Variants in MACF1 observed in about 807,000 individuals in gnomAD.
The protein encoded by MACF1 is microtubule-actin cross-linking factor 1.
MACF1 carries 193 observed loss-of-function variants against 854.8 expected under a neutral mutation model. That is an observed-to-expected ratio of 0.23 (90% CI 0.20 to 0.25). The LOEUF (loss-of-function observed/expected upper bound fraction) is 0.25, where lower values mean the gene tolerates loss of function less well. Ranked by LOEUF, MACF1 falls within the 10% of genes least tolerant of loss-of-function variation. The pLI, the probability that MACF1 is intolerant of heterozygous loss-of-function variation, is 1.00. For missense variants in MACF1, 7,722 were observed against 8,929.1 expected (o/e 0.86, Z 5.45); for synonymous variants, 3,185 against 3,226.7 (o/e 0.99, Z 0.44).
Position 39,285,398 on chromosome 1 carries a change from T to TCTC in MACF1, c.1353+10_1353+11insCCT, listed in dbSNP as rs1410791877. On this transcript the variant is annotated intron_variant, in intron 13 of 100. Coordinates refer to ENST00000564288, the MANE Select transcript of MACF1 (RefSeq NM_001394062.1). The stretch of plus-strand genomic sequence containing the variant: ...AAGAATACACTGCAGGCTGTAAGTC[T>TCTC]CTGACTGTTTTGTCCAACATCTGTG... 6.2e-7 allele frequency: 1 copy of TCTC among 1,613,304 alleles called. No homozygotes were observed. The highest frequency in any genetic ancestry group is 8.5e-7 in the Non-Finnish European group (1 of 1,179,734).
rs535531471 is a variant in MACF1 at position 39,120,664 on chromosome 1, C to A, written c.220+36226C>A. Among the ~76,000 whole-genome samples the A allele has an allele frequency of 2.6e-5, 4 of 152,218 alleles. No homozygotes were observed. The East Asian group carries it at 7.7e-4, about 29-fold the overall frequency. On this transcript the variant is annotated intron_variant, in intron 2 of 93. Coordinates refer to the MACF1 transcript ENST00000361689. ...GGTGTGAGCCACCACACCCGGCCAA[C>A]AATGCAAACTTCTTTTAAAAATTTG...
intron 74 of MACF1, among the ~76,000 whole-genome samples, chr1:39,441,696 T>A (rs2148665488): frequency 6.6e-6 from 1 of 152,350 alleles, no homozygotes. Context: ...TTGAAAAATC[T>A]TCACTTTTAT....
At chr1:39,411,191 C>G (rs1642983138) in intron 58 of MACF1, 1 of 1,613,614 alleles carries the variant, frequency 6.2e-7, no homozygotes, top group Non-Finnish European at 8.5e-7. Context: ...CTCATAACCC[C>G]CAGCCTGAGA....
intron 44 of MACF1, among the ~76,000 whole-genome samples, chr1:39,355,374 T>C (rs1405848857): frequency 1.3e-5 from 2 of 151,934 alleles, no homozygotes; most frequent in African/African-American, 2.4e-5. Context: ...CTAGGTGATA[T>C]ACAGACAAGG....
Position 39,302,917 on chromosome 1 carries a change from T to G in MACF1, c.2635-7T>G, listed in dbSNP as rs771995720. ...ATTAGCAATCACTGGTAAATTTATC[T>G]CTTCAGATTACTATTTGCAAAAATG... On this transcript the variant is annotated splice_region_variant and splice_polypyrimidine_tract_variant and intron_variant, in intron 22 of 100. Coordinates refer to ENST00000564288, the MANE Select transcript of MACF1 (RefSeq NM_001394062.1). The G allele has an allele frequency of 1.4e-5, 23 of 1,610,918 alleles. No individual in the cohort carries two copies. In the South Asian group the frequency reaches 2.4e-4, roughly 17 times the overall value.
At chr1:39,476,153 T>C (rs1258169714) in intron 97 of MACF1, among the ~76,000 whole-genome samples, 2 of 152,102 alleles carry the variant, frequency 1.3e-5, no homozygotes, top group Non-Finnish European at 2.9e-5. Flanking sequence ...TTTTGGAGAG[T>C]GTATGCTAGT....
chr1:39,359,357 T>C, intron 47 of MACF1, 93 bp downstream of exon 47: 2 of 1,415,316 alleles, frequency 1.4e-6, no homozygotes, highest in Admixed American at 2.0e-5. Context: ...CAAATATCTG[T>C]GGTGCCAGGC....
At chr1:39,315,858 C>T (rs1203202155) in intron 27 of MACF1, among the ~76,000 whole-genome samples, 167 bp downstream of exon 27, 2 of 152,130 alleles carry the variant, frequency 1.3e-5, no homozygotes, top group Non-Finnish European at 2.9e-5. Context: ...TAAGTAGGTT[C>T]ATTTGGACTG....
chr1:39,459,439 C>A (rs533193355), intron 91 of MACF1, among the ~76,000 whole-genome samples, 190 bp downstream of exon 91: 1 of 152,114 alleles, frequency 6.6e-6, no homozygotes, highest in African/African-American at 2.4e-5. Context: ...GTAAGAAAAC[C>A]GTTTGTGACA....
intron 52 of MACF1, chr1:39,373,250 G>A (rs1381975028): frequency 2.0e-5 from 3 of 149,620 alleles, no homozygotes; most frequent in East Asian, 3.9e-4. Flanking sequence ...CCGAGATCAC[G>A]CCACTGCACT....
intron 6 of MACF1, among the ~76,000 whole-genome samples, chr1:39,263,771 C>CTTTTTTTTTTTTTTTTTTTTTTTTT (rs11453750): frequency 2.0e-5 from 2 of 100,166 alleles, no homozygotes; most frequent in Non-Finnish European, 3.6e-5. Context: ...TTTCTTTTTT[C>CTTTTTTTTTTTTTTTTTTTTTTTTT]TTTTTTTTTT....
chr1:39,243,066 G>T lies in MACF1; in HGVS notation c.172-6948G>T, dbSNP rs117371547. Among the ~76,000 whole-genome samples, 112 of 152,346 alleles carry T rather than the reference G, an allele frequency of 7.4e-4. 1 individual carries two copies. In the East Asian group the frequency reaches 0.019, roughly 25 times the overall value. Reference sequence around the variant, plus strand: ...GCACCATTTTACATCCTCACCAGCAGTGTATGAGGGTTCTAGATTCTCTGC... The same window carrying T: ...GCACCATTTTACATCCTCACCAGCATTGTATGAGGGTTCTAGATTCTCTGC... On this transcript the variant is annotated intron_variant, in intron 2 of 100. Coordinates refer to ENST00000564288, the MANE Select transcript of MACF1 (RefSeq NM_001394062.1).
At chr1:39,396,319 C>CA (rs1165225801) in intron 58 of MACF1, among the ~76,000 whole-genome samples, 11,238 of 81,302 alleles carry the variant, frequency 0.14, 862 homozygotes, top group East Asian at 0.33. Flanking sequence ...GACTCCATCT[C>CA]AAAAAAAAAA....
At chr1:39,307,898 T>C (rs1646217396) in intron 23 of MACF1, among the ~76,000 whole-genome samples, 1 of 114,966 alleles carries the variant, frequency 8.7e-6, no homozygotes. Context: ...TCTTTCTTTC[T>C]TTCTTTTTTT....
chr1:39,227,785 T>C (rs1644732957), intron 1 of MACF1, among the ~76,000 whole-genome samples: 1 of 152,206 alleles, frequency 6.6e-6, no homozygotes, highest in Non-Finnish European at 1.5e-5. Flanking sequence ...ACATAAGCTT[T>C]TTCTTGTCTC....
chr1:39,439,248 C>G (rs779857439), intron 71 of MACF1, 26 bp from the exon 72 acceptor site: 2 of 1,443,082 alleles, frequency 1.4e-6, no homozygotes, highest in Admixed American at 1.7e-5. Context: ...AAGTCCTATT[C>G]ATATCTCTTT....
At position 39,327,322 on chromosome 1, in the gene MACF1, A is replaced by G; in HGVS notation, c.4583A>G (p.Gln1528Arg). The change falls in exon 36 of 101, where the codon CAG becomes CGG. Residue 1528 changes from glutamine (Q) to arginine (R), a missense_variant. Gln to Arg is a conservative substitution (Grantham distance 43). Around this residue, in one of 15 missense-constraint regions of MACF1, gnomAD observed 1,531 missense variants for 1,601.6 expected, o/e 0.96. Transcript: ENST00000564288. ...DGSANQLQQL[Q>R]SQLAHQTEQK... is the part of the protein sequence containing the mutation. ...TCTGCAAATCAGCTTCAGCAGCTTC[A>G]GAGCCAGTTGGCTCACCAGACAGAA... 8.1e-6 allele frequency: 13 copies of G among 1,606,128 alleles called. No individual in the cohort carries two copies. Among genetic ancestry groups the G allele is most frequent in the Non-Finnish European group, 1.1e-5 (13 of 1,173,554 alleles).
intron 2 of MACF1, among the ~76,000 whole-genome samples, chr1:39,104,817 C>G (rs928209485): frequency 6.6e-6 from 1 of 152,242 alleles, no homozygotes; most frequent in African/African-American, 2.4e-5. Flanking sequence ...CGGCCCTACA[C>G]TGCAGCCCTG....
chr1:39,412,231 T>C, intron 58 of MACF1: 1 of 1,613,980 alleles, frequency 6.2e-7, no homozygotes, highest in African/African-American at 1.3e-5. Flanking sequence ...CAGTTTTGCT[T>C]TTAATCATGA....
Sources: allele counts gnomAD v4.1 joint callset (sites outside exome capture counted in the v4.1 genomes callset), GRCh38; gene constraint gnomAD v4.1.1; regional missense constraint gnomAD v4.1.1; transcripts MANE v1.5; gene names NCBI Gene and HGNC (gene_info 2026-07-23, HGNC 2026-07-21).